HERC1: variants seen among roughly 807,000 people sequenced by gnomAD.
HERC1 encodes probable E3 ubiquitin-protein ligase HERC1.
Under a neutral mutation model 554.3 loss-of-function variants are expected in HERC1, and 160 were observed. The observed-to-expected ratio is 0.29, with a 90% CI of 0.25 to 0.33. The LOEUF (loss-of-function observed/expected upper bound fraction) is 0.33, where lower values mean the gene tolerates loss of function less well. Ranked by LOEUF, HERC1 falls within the 10% of genes least tolerant of loss-of-function variation. The pLI is 1.00. For synonymous variants in HERC1, 2,175 were observed against 2,131.7 expected, an observed-to-expected ratio of 1.02 and a Z score of -0.56; for missense variants, 4,919 against 5,918.5, an observed-to-expected ratio of 0.83 and a Z score of 5.54.
At chr15:63,626,312 T>C (rs556075335) in intron 70 of HERC1, among the ~76,000 whole-genome samples, 158 bp from the exon 71 acceptor site, 4 of 152,340 alleles carry the variant, frequency 2.6e-5, no homozygotes, top group Admixed American at 2.6e-4. Flanking sequence ...GGTGTGTGCA[T>C]TTGTGTTGGT....
At chr15:63,683,974 C>A (rs1007599072) in intron 34 of HERC1, among the ~76,000 whole-genome samples, 5 of 152,218 alleles carry the variant, frequency 3.3e-5, no homozygotes, top group African/African-American at 1.2e-4. Context: ...CAGGCACAAG[C>A]TGAATGAACA....
At chr15:63,783,494 G>A (rs1206787373) in intron 1 of HERC1, among the ~76,000 whole-genome samples, 4 of 151,902 alleles carry the variant, frequency 2.6e-5, no homozygotes, top group Admixed American at 6.6e-5. Flanking sequence ...TACAGTATAC[G>A]GTACACATAA....
chr15:63,690,697 G>A (rs758228219), intron 31 of HERC1, 50 bp from the exon 32 acceptor site: 2 of 1,188,720 alleles, frequency 1.7e-6, no homozygotes, highest in South Asian at 1.3e-5. Flanking sequence ...TAAATTCAAA[G>A]TTAAAATGAA....
At chr15:63,704,274 T>C (rs2072885015) in intron 25 of HERC1, among the ~76,000 whole-genome samples, 1 of 152,246 alleles carries the variant, frequency 6.6e-6, no homozygotes, top group Admixed American at 6.5e-5. Flanking sequence ...ACATTCAAAT[T>C]ACAGTTTTTT....
intron 74 of HERC1, among the ~76,000 whole-genome samples, chr15:63,621,354 G>A (rs1390633797): frequency 1.3e-5 from 2 of 152,150 alleles, no homozygotes; most frequent in East Asian, 1.9e-4. Context: ...AGTTTCTGCC[G>A]AGATATCTGC....
At chr15:63,742,177 C>T (rs1421386676) in intron 12 of HERC1, among the ~76,000 whole-genome samples, 2 of 152,116 alleles carry the variant, frequency 1.3e-5, no homozygotes, top group African/African-American at 4.8e-5. Context: ...ATGTTTTGTT[C>T]CTTCAGTGTA....
At position 63,654,205 on chromosome 15, in the gene HERC1, T is replaced by C. The variant is rs2069876392; in HGVS notation, c.10204A>G (p.Asn3402Asp). 1.9e-6 allele frequency: 3 copies of C among 1,614,022 alleles called. No individual in the cohort carries two copies. Among genetic ancestry groups the C allele is most frequent in the Non-Finnish European group, 2.5e-6 (3 of 1,179,856 alleles). ...VRTLAAHDRD[N>D]QTTLQTLADM... is the part of the protein sequence containing the mutation. The stretch of plus-strand genomic sequence containing the variant: ...GCAAGTGTCTGCAGAGTAGTTTGGT[T>C]GTCACGGTCGTGTGCAGCAAGAGTG... The change falls in exon 51 of 78, where the codon AAC becomes GAC. Residue 3402 changes from asparagine (N) to aspartate (D), a missense_variant. Transcript: ENST00000443617.
At chr15:63,726,429 C>G (rs1170378927) in intron 17 of HERC1, among the ~76,000 whole-genome samples, 1 of 151,642 alleles carries the variant, frequency 6.6e-6, no homozygotes, top group African/African-American at 2.4e-5. Flanking sequence ...GATAAGTTAT[C>G]TAAAAGGAAA....
rs2074101681 is a variant in HERC1, at chr15:63,727,865, G to A, written c.3155-27C>T. ...TATGAAGGGCAAGAAATTAAACATGGGACAATTGCTTCAAATGAACTTTAA... is the reference window on the plus strand; with the variant it reads ...TATGAAGGGCAAGAAATTAAACATGAGACAATTGCTTCAAATGAACTTTAA... On this transcript the variant is annotated intron_variant, in intron 16 of 77. Coordinates refer to ENST00000443617, the MANE Select transcript of HERC1 (RefSeq NM_003922.4). The surrounding 1 kb of genome is among the most constrained non-coding windows in gnomAD (Gnocchi z 4.3). 1.3e-6 allele frequency: 2 copies of A among 1,576,772 alleles called. No individual in the cohort carries two copies. Among genetic ancestry groups the A allele is most frequent in the African/African-American group, 1.4e-5 (1 of 73,632 alleles).
chr15:63,793,057 T>C (rs149436663), intron 1 of HERC1, among the ~76,000 whole-genome samples: 1 of 152,312 alleles, frequency 6.6e-6, no homozygotes, highest in African/African-American at 2.4e-5. Flanking sequence ...ATGAAGAGGA[T>C]AGGGCAGGAT....
In HERC1 at chr15:63,618,293, G is replaced by A. The variant is rs148315043; in HGVS notation, c.13689-1611C>T. On this transcript the variant is annotated intron_variant, in intron 74 of 77. Transcript: ENST00000443617. Reference sequence around the variant, plus strand: ...TTCCCCATTTGTTTCTGTCAGGTTTGTCAAAGATCAGATAGTTGTAGATAT... The same window carrying A: ...TTCCCCATTTGTTTCTGTCAGGTTTATCAAAGATCAGATAGTTGTAGATAT... Among the ~76,000 whole-genome samples the A allele has an allele frequency of 4.7e-3, 717 of 152,246 alleles. 10 individuals are homozygous for A. The highest frequency in any genetic ancestry group is 0.017 in the African/African-American group (689 of 41,530).
Position 63,623,827 on chromosome 15 carries a change from T to G in HERC1, c.13509A>C (p.Ser4503=). 1 of 1,614,048 alleles carries G rather than the reference T, an allele frequency of 6.2e-7. No individual in the cohort carries two copies. The highest frequency in any genetic ancestry group is 8.5e-7 in the Non-Finnish European group (1 of 1,179,892). The change falls in exon 73 of 78, where the codon TCA becomes TCC. Residue 4503 remains serine (S), a synonymous_variant. Coordinates refer to ENST00000443617, the MANE Select transcript of HERC1 (RefSeq NM_003922.4). ...ACGCTCGGGAAGGCAGGCGGAGGTC[T>G]GAAGCATTCAGCTTAACTACTTGTC... ...IARQVVKLNA[S]DLRLPSRAWK...
intron 1 of HERC1, among the ~76,000 whole-genome samples, chr15:63,790,459 TCCCAGCTACTTGGGAAG>T (rs2076610877): frequency 6.6e-6 from 1 of 151,820 alleles, no homozygotes. Flanking sequence ...CGCCTTGTAG[TCCCAGCTACTTGGGAAG>T]CTGAGGCAGG....
At chr15:63,662,082 A>C in intron 44 of HERC1, 61 bp from the exon 45 acceptor site, 1 of 1,479,274 alleles carries the variant, frequency 6.8e-7, no homozygotes, top group Non-Finnish European at 9.2e-7. Context: ...AAGAAGTACC[A>C]AGTAGATTAT....
chr15:63,661,721 GAGGTC>G, intron 45 of HERC1, 27 bp downstream of exon 45: 1 of 1,604,892 alleles, frequency 6.2e-7, no homozygotes, highest in Non-Finnish European at 8.5e-7. Context: ...GTATCTTCAG[GAGGTC>G]TGGATATCTA....
At chr15:63,615,481 A>T (rs963818494) in intron 76 of HERC1, among the ~76,000 whole-genome samples, 7 of 152,206 alleles carry the variant, frequency 4.6e-5, no homozygotes, top group Non-Finnish European at 1.0e-4. Context: ...GTGGTGACAC[A>T]TGCCTGTAGT....
intron 70 of HERC1, among the ~76,000 whole-genome samples, chr15:63,626,900 C>G (rs994300821): frequency 6.6e-6 from 1 of 152,210 alleles, no homozygotes; most frequent in South Asian, 2.1e-4. Context: ...AATGGGGCCA[C>G]TTACTTCTAC....
chr15:63,798,223 G>A (rs1207032922), intron 1 of HERC1, among the ~76,000 whole-genome samples: 1 of 152,118 alleles, frequency 6.6e-6, no homozygotes, highest in Non-Finnish European at 1.5e-5. Flanking sequence ...CCTGATAGCA[G>A]GTTCTCCCCA....
chr15:63,681,918 A>G (rs1165068031), intron 34 of HERC1, among the ~76,000 whole-genome samples: 2 of 152,288 alleles, frequency 1.3e-5, no homozygotes, highest in East Asian at 3.9e-4. Context: ...AACTGGGTGT[A>G]TATCCTTACC....
Sources: gnomAD v4.1 joint callset for allele counts (sites outside exome capture counted in the v4.1 genomes callset) on GRCh38, gnomAD v4.1.1 for gene constraint, Gnocchi (gnomAD v3.1) non-coding constraint, MANE v1.5 for transcripts, NCBI Gene and HGNC (gene_info 2026-07-23, HGNC 2026-07-21) for gene names.